KIAA0586: variants seen among roughly 807,000 people sequenced by gnomAD.
KIAA0586 encodes the protein protein TALPID3.
A neutral mutation model predicts 169.8 loss-of-function variants in KIAA0586; 144 were observed. The observed-to-expected ratio is 0.85, with a 90% CI of 0.74 to 0.97. KIAA0586 has a LOEUF of 0.97. KIAA0586 is among the 50% of genes least tolerant of loss of function. The pLI, the probability that KIAA0586 is intolerant of heterozygous loss-of-function variation, is 0.00. For missense variants in KIAA0586, 1,854 were observed against 1,823.0 expected (o/e 1.02, Z -0.31); for synonymous variants, 625 against 612.4 (o/e 1.02, Z -0.30).
intron 3 of KIAA0586, 93 bp from the exon 4 acceptor site, chr14:58,432,271 ATGCTATGGCTGAGTTCCTAAACAT>A (rs1327719852): frequency 3.2e-6 from 2 of 624,626 alleles, no homozygotes; most frequent in African/African-American, 3.8e-5. Flanking sequence ...CGATCGTGGA[ATGCTATGGCTGAGTTCCTAAACAT>A]TCTTTTAGTT....
At chr14:58,436,497 A>G (rs1298505804) in intron 4 of KIAA0586, among the ~76,000 whole-genome samples, 1 of 152,228 alleles carries the variant, frequency 6.6e-6, no homozygotes, top group Non-Finnish European at 1.5e-5. Context: ...TAAGCGCTGT[A>G]AAAATACAAG....
At chr14:58,441,263 G>T (rs1278635066) in intron 4 of KIAA0586, 1 of 437,406 alleles carries the variant, frequency 2.3e-6, no homozygotes. Context: ...ACAGTGGGGT[G>T]ATCACAACTC....
intron 8 of KIAA0586, among the ~76,000 whole-genome samples, chr14:58,452,205 C>G (rs1251899511): frequency 6.6e-6 from 1 of 151,828 alleles, no homozygotes; most frequent in East Asian, 1.9e-4. Context: ...ATGGGTGCAC[C>G]AAAATCGCAC....
chr14:58,509,623 C>A (rs1187006088), intron 28 of KIAA0586, among the ~76,000 whole-genome samples: 1 of 151,906 alleles, frequency 6.6e-6, no homozygotes, highest in Non-Finnish European at 1.5e-5. Flanking sequence ...CCAAAAAATA[C>A]GTAAGATAAA....
intron 14 of KIAA0586, among the ~76,000 whole-genome samples, chr14:58,465,486 T>C (rs988265313): frequency 6.6e-6 from 1 of 152,238 alleles, no homozygotes; most frequent in African/African-American, 2.4e-5. Context: ...GTTGTATGTC[T>C]ATTCAGGGGC....
intron 29 of KIAA0586, among the ~76,000 whole-genome samples, chr14:58,514,113 T>C (rs1407858931): frequency 1.3e-5 from 2 of 152,124 alleles, no homozygotes; most frequent in East Asian, 3.8e-4. Context: ...CTATAATTGG[T>C]ACATATCTTT....
intron 16 of KIAA0586, among the ~76,000 whole-genome samples, chr14:58,468,466 A>G (rs2040947950): frequency 6.6e-6 from 1 of 152,220 alleles, no homozygotes; most frequent in South Asian, 2.1e-4. Context: ...TGATATTCCA[A>G]GGGGAACAAT....
In KIAA0586 at chr14:58,525,783, C is replaced by T. The variant is rs138102794; in HGVS notation, c.4429+13156C>T. The stretch of plus-strand genomic sequence containing the variant: ...TCTACCTCAGCGGATTCCACTGCCA[C>T]GGAACCCAGCAAGGTAAAGATCCAC... On this transcript the variant is annotated intron_variant, in intron 29 of 30. Transcript: ENST00000652326. Among the ~76,000 whole-genome samples the T allele has an allele frequency of 5.7e-4, 87 of 152,300 alleles. No individual in the cohort carries two copies. In the East Asian group the frequency reaches 0.013, roughly 23 times the overall value.
intron 3 of KIAA0586, among the ~76,000 whole-genome samples, chr14:58,431,310 T>G (rs1274552754): frequency 6.6e-6 from 1 of 152,194 alleles, no homozygotes; most frequent in African/African-American, 2.4e-5. Context: ...TTGTCCAGGC[T>G]GGGGTGCAGT....
chr14:58,546,056 A>T (rs1480732407), intron 30 of KIAA0586, among the ~76,000 whole-genome samples: 2 of 152,160 alleles, frequency 1.3e-5, no homozygotes, highest in African/African-American at 4.8e-5. Context: ...TAAAAAATAC[A>T]GTCTTTAGTG....
intron 4 of KIAA0586, among the ~76,000 whole-genome samples, chr14:58,435,574 T>G (rs1170433130): frequency 1.3e-5 from 2 of 152,224 alleles, no homozygotes; most frequent in African/African-American, 4.8e-5. Flanking sequence ...TCCTGACTTA[T>G]TCCTCCTATG....
intron 30 of KIAA0586, among the ~76,000 whole-genome samples, chr14:58,543,259 A>T (rs1386428974): frequency 6.6e-6 from 1 of 151,480 alleles, no homozygotes; most frequent in Non-Finnish European, 1.5e-5. Flanking sequence ...TATCCCTCTT[A>T]CCTTTTACCT....
the KIAA0586 span, among the ~76,000 whole-genome samples, chr14:58,557,886 G>A: frequency 8.2e-6 from 1 of 121,616 alleles, no homozygotes; most frequent in African/African-American, 3.4e-5. Context: ...TCTTGTAAGG[G>A]CAATCCTGAG....
Position 58,482,599 on chromosome 14 carries a change from GAAGCTC to G in KIAA0586, c.3032_3037del (p.Glu1011_Leu1013delinsVal). The G allele has an allele frequency of 6.2e-7, 1 of 1,605,514 alleles. No individual in the cohort carries two copies. Among genetic ancestry groups the G allele is most frequent in the Non-Finnish European group, 8.5e-7 (1 of 1,175,330 alleles). On this transcript the variant is annotated inframe_deletion, in exon 21 of 31. Coordinates refer to ENST00000652326, the MANE Select transcript of KIAA0586 (RefSeq NM_001329943.3). ...AAATGTGATTAAACATTTTGTTAACGAAGCTCTTGCTGAGACCATTGCTGTCATGCT... is the reference window on the plus strand; with the variant it reads ...AAATGTGATTAAACATTTTGTTAACGTTGCTGAGACCATTGCTGTCATGCT...
At chr14:58,521,937 G>A in intron 29 of KIAA0586, 1 of 1,375,574 alleles carries the variant, frequency 7.3e-7, no homozygotes, top group South Asian at 1.2e-5. Context: ...ATGAAAAAGA[G>A]GCTGAAGAAG....
At chr14:58,460,746 ATATACT>A (rs1491002384) in intron 13 of KIAA0586, among the ~76,000 whole-genome samples, 21 of 152,284 alleles carry the variant, frequency 1.4e-4, no homozygotes, top group African/African-American at 3.8e-4. Flanking sequence ...GGTGCTGAAA[ATATACT>A]TAGTAATGTA....
chr14:58,444,581 G>A (rs1408990369), intron 6 of KIAA0586, among the ~76,000 whole-genome samples: 12 of 151,796 alleles, frequency 7.9e-5, no homozygotes, highest in Non-Finnish European at 1.2e-4. Flanking sequence ...ACACCACCAC[G>A]CCCAGCTAAT....
chr14:58,460,126 C>G (rs1443424491), intron 13 of KIAA0586, 56 bp downstream of exon 13: 1 of 1,013,526 alleles, frequency 9.9e-7, no homozygotes, highest in African/African-American at 1.6e-5. Context: ...TGATCATTTC[C>G]TTTAAGAGAT....
chr14:58,427,465 C>T (rs1456626328), upstream of KIAA0586: 2 of 836,736 alleles, frequency 2.4e-6, no homozygotes, highest in East Asian at 2.7e-5. Context: ...AGTAGTATTA[C>T]AAGTCGGGAG....
Sources: gnomAD v4.1 joint callset for allele counts (sites outside exome capture counted in the v4.1 genomes callset) on GRCh38, gnomAD v4.1.1 for gene constraint, MANE v1.5 for transcripts, NCBI Gene and HGNC (gene_info 2026-07-23, HGNC 2026-07-21) for gene names.